KLHL8: variants seen among roughly 807,000 people sequenced by gnomAD.
The protein encoded by KLHL8 is kelch-like protein 8.
Under a neutral mutation model 63.5 loss-of-function variants are expected in KLHL8, and 38 were observed. That is an observed-to-expected ratio of 0.60 (90% confidence interval 0.46 to 0.78). The LOEUF (loss-of-function observed/expected upper bound fraction) is 0.78, where lower values mean the gene tolerates loss of function less well. Ranked by LOEUF, KLHL8 falls within the 30% of genes least tolerant of loss-of-function variation. KLHL8 has a pLI of 0.00. For missense variants in KLHL8, 566 were observed against 752.4 expected (o/e 0.75, Z 2.90); for synonymous variants, 224 against 254.3 (o/e 0.88, Z 1.13).
chr4:87,178,616 C>T lies in KLHL8; in HGVS notation c.957G>A (p.Val319=), dbSNP rs1730927856. The T allele has an allele frequency of 6.3e-7, 1 of 1,580,674 alleles. No individual in the cohort carries two copies. Among genetic ancestry groups the T allele is most frequent in the Non-Finnish European group, 8.6e-7 (1 of 1,169,092 alleles). The part of the protein sequence containing the change: ...RTTPRKHTAG[V]LFCVGGRGGS... ...CACCTCGACCACCTACACAAAACAG[C>T]ACACCTAAAGGTAAAGCCACAAAAT... Residue 319 remains valine (V), a synonymous_variant, in exon 5 of 10, where the codon GTG becomes GTA. Transcript: ENST00000273963.
chr4:87,171,939 G>C (rs1310258518), intron 6 of KLHL8, among the ~76,000 whole-genome samples: 3 of 151,966 alleles, frequency 2.0e-5, no homozygotes, highest in Non-Finnish European at 4.4e-5. Context: ...TGTCTTGCTG[G>C]CTCTTCAACC....
intron 1 of KLHL8, among the ~76,000 whole-genome samples, chr4:87,201,485 G>A (rs1447186808): frequency 1.3e-5 from 2 of 152,182 alleles, no homozygotes; most frequent in Non-Finnish European, 2.9e-5. Flanking sequence ...CTAGTTAGCA[G>A]AGAATTAGCA....
chr4:87,195,181 TA>T (rs200249933), intron 2 of KLHL8, 142 bp downstream of exon 2: 1,135 of 586,924 alleles, frequency 1.9e-3, no homozygotes, highest in South Asian at 2.6e-3. Flanking sequence ...TCTCCTACAC[TA>T]AAAAAAAAGA....
At chr4:87,174,128 T>C (rs1299648996) in intron 6 of KLHL8, among the ~76,000 whole-genome samples, 1 of 152,176 alleles carries the variant, frequency 6.6e-6, no homozygotes, top group African/African-American at 2.4e-5. Flanking sequence ...TTGCCAACCA[T>C]ATAAGCCACA....
chr4:87,168,547 G>C (rs1355725620), intron 8 of KLHL8, among the ~76,000 whole-genome samples: 1 of 151,708 alleles, frequency 6.6e-6, no homozygotes, highest in Non-Finnish European at 1.5e-5. Flanking sequence ...TCCTGAGTTG[G>C]GGTTTTTAAG....
intron 1 of KLHL8, chr4:87,207,864 G>C: frequency 6.5e-7 from 1 of 1,528,810 alleles, no homozygotes; most frequent in Non-Finnish European, 9.0e-7. Context: ...ACATCAAGAA[G>C]GTGGTGAAGC....
At chr4:87,230,927 G>A (rs1219899988) in intron 1 of KLHL8, among the ~76,000 whole-genome samples, 5 of 152,180 alleles carry the variant, frequency 3.3e-5, no homozygotes, top group Non-Finnish European at 4.4e-5. Flanking sequence ...GCGTCAATAT[G>A]TATGTTCCTG....
chr4:87,184,784 C>T (rs192485784), intron 3 of KLHL8, among the ~76,000 whole-genome samples: 6 of 152,154 alleles, frequency 3.9e-5, no homozygotes, highest in Admixed American at 3.3e-4. Context: ...AAAAGTCAAA[C>T]TACGGTGAGA....
intron 4 of KLHL8, among the ~76,000 whole-genome samples, chr4:87,180,904 T>C (rs1731025738): frequency 6.6e-6 from 1 of 151,882 alleles, no homozygotes; most frequent in Non-Finnish European, 1.5e-5. Context: ...TATATCTGGG[T>C]ATGTGCCTAT....
At chr4:87,220,075 A>C (rs917360049) in intron 1 of KLHL8, 13 of 152,694 alleles carry the variant, frequency 8.5e-5, no homozygotes, top group Admixed American at 8.5e-4. Flanking sequence ...GGAAGGAGTC[A>C]AGGAGCTGCC....
chr4:87,177,537 C>CTATA (rs10631485), intron 5 of KLHL8, among the ~76,000 whole-genome samples: 2,271 of 149,834 alleles, frequency 0.015, 25 homozygotes, highest in Non-Finnish European at 0.024. Context: ...CAAACAAAAA[C>CTATA]TATATATATA....
rs371431141 is a variant in KLHL8, at chr4:87,185,692, A to G, written c.324T>C (p.Ile108=). 78 of 1,612,014 alleles carry G rather than the reference A, an allele frequency of 4.8e-5. No individual in the cohort carries two copies. Among genetic ancestry groups the G allele is most frequent in the Non-Finnish European group, 3.7e-5 (44 of 1,178,200 alleles). ...CATCACCATCAAAATCTCTAATCTC[A>G]ATCAGCGTTTGCTTGGCTTCAGCCA... ...SEMAEAKQTL[I]EIRDFDGDAI... The change falls in exon 3 of 10, where the codon ATT becomes ATC. Residue 108 remains isoleucine, a synonymous_variant. Transcript: ENST00000273963.
intron 2 of KLHL8, among the ~76,000 whole-genome samples, chr4:87,188,142 A>G (rs1348967711): frequency 1.3e-5 from 2 of 152,244 alleles, no homozygotes; most frequent in African/African-American, 2.4e-5. Context: ...TGTAATGTAG[A>G]CTATAACATA....
chr4:87,184,259 G>A (rs1022879457), intron 3 of KLHL8, among the ~76,000 whole-genome samples: 3 of 152,206 alleles, frequency 2.0e-5, no homozygotes, highest in African/African-American at 4.8e-5. Context: ...AGATGTAAAT[G>A]TGTTCTGAAC....
At chr4:87,176,332 T>G (rs1188236900) in intron 6 of KLHL8, among the ~76,000 whole-genome samples, 1 of 152,214 alleles carries the variant, frequency 6.6e-6, no homozygotes, top group Non-Finnish European at 1.5e-5. Flanking sequence ...CCATAGATGC[T>G]AGCAGCAATT....
At position 87,170,550 on chromosome 4, in the gene KLHL8, G is replaced by A. The variant is rs1415125879; in HGVS notation, c.1274C>T (p.Thr425Ile). ...ATATCTCTCCACATCATTGAAGCAAGTATTGTCATCTAACCCTCCAATTGC... is the reference window on the plus strand; with the variant it reads ...ATATCTCTCCACATCATTGAAGCAAATATTGTCATCTAACCCTCCAATTGC... ...IYAIGGLDDN[T>I]CFNDVERYDI... The change falls in exon 7 of 10, where the codon ACT becomes ATT. Residue 425 changes from threonine to isoleucine, a missense_variant. Transcript: ENST00000273963. 1.2e-6 allele frequency: 2 copies of A among 1,613,888 alleles called. No individual in the cohort carries two copies. The highest frequency in any genetic ancestry group is 1.7e-6 in the Non-Finnish European group (2 of 1,179,928).
rs1560723282 is a variant in KLHL8, at chr4:87,226,665, AATATATATTATTTATAT to A, written n.58-5292_58-5276del. On this transcript the variant is annotated intron_variant and non_coding_transcript_variant, in intron 1 of 1. Coordinates refer to the KLHL8 transcript ENST00000506274. The stretch of plus-strand genomic sequence containing the variant: ...AATAATATATATATTACTTATATAT[AATATATATTATTTATAT>A]ATAATATATATATTATTTATATATA... 1.5e-4 allele frequency among the ~76,000 whole-genome samples: 6 copies of A among 38,876 alleles called. 1 individual carries two copies. Among genetic ancestry groups the A allele is most frequent in the African/African-American group, 2.4e-4 (2 of 8,198 alleles). 25.5% of individuals were successfully genotyped at this position (38,876 alleles called of 152,430 possible).
intron 8 of KLHL8, among the ~76,000 whole-genome samples, chr4:87,165,677 G>C (rs947386747): frequency 2.0e-5 from 3 of 151,956 alleles, no homozygotes; most frequent in Admixed American, 2.0e-4. Flanking sequence ...GATTACAGGG[G>C]TAATCCCTGC....
intron 4 of KLHL8, among the ~76,000 whole-genome samples, chr4:87,179,199 T>C (rs1730953171): frequency 6.6e-6 from 1 of 152,132 alleles, no homozygotes; most frequent in African/African-American, 2.4e-5. Context: ...CCCAACAAGT[T>C]CAAAAGGATC....
Sources: gnomAD v4.1 joint callset for allele counts (sites outside exome capture counted in the v4.1 genomes callset) on GRCh38, gnomAD v4.1.1 for gene constraint, MANE v1.5 for transcripts, NCBI Gene and HGNC (gene_info 2026-07-23, HGNC 2026-07-21) for gene names.